ATP2B2: variants seen among roughly 807,000 people sequenced by gnomAD.
The protein encoded by ATP2B2 is plasma membrane calcium-transporting ATPase 2.
In ATP2B2, 15 loss-of-function variants were observed where a neutral mutation model predicts 120.0. The ratio of observed to expected loss-of-function variants is 0.12; its 90% CI spans 0.08 to 0.19. The LOEUF is 0.19. Among genes scored for constraint, ATP2B2 ranks in the 10% least tolerant of loss-of-function variants. The pLI is 1.00. For missense variants in ATP2B2, 1,045 were observed against 1,719.8 expected, an observed-to-expected ratio of 0.61 and a Z score of 6.94; for synonymous variants, 694 against 700.3, an observed-to-expected ratio of 0.99 and a Z score of 0.14.
chr3:10,618,575 G>T (rs924248864), intron 2 of ATP2B2, among the ~76,000 whole-genome samples: 3 of 152,132 alleles, frequency 2.0e-5, no homozygotes, highest in Admixed American at 2.0e-4. Flanking sequence ...ATCGGAGGAG[G>T]AAGCATGCTT....
chr3:10,336,235 C>T (rs951509551), intron 22 of ATP2B2: 5 of 1,550,464 alleles, frequency 3.2e-6, no homozygotes, highest in African/African-American at 2.7e-5. Flanking sequence ...GGCTGGTGAC[C>T]GAGGACTGTC....
intron 1 of ATP2B2, among the ~76,000 whole-genome samples, chr3:10,688,232 G>A (rs2071571714): frequency 6.6e-6 from 1 of 152,120 alleles, no homozygotes; most frequent in South Asian, 2.1e-4. Context: ...AAACATACCA[G>A]GTTTGCGTTT....
At chr3:10,706,856 A>C (rs537163858) in intron 1 of ATP2B2, among the ~76,000 whole-genome samples, 1 of 152,276 alleles carries the variant, frequency 6.6e-6, no homozygotes, top group African/African-American at 2.4e-5. Context: ...AGATGTAGGA[A>C]CCAAACAGCA....
At chr3:10,476,747 G>C (rs1044864917) in intron 1 of ATP2B2, among the ~76,000 whole-genome samples, 6 of 152,212 alleles carry the variant, frequency 3.9e-5, no homozygotes, top group African/African-American at 1.4e-4. Flanking sequence ...CTCTAGTTTA[G>C]AGGAAATTAA....
chr3:10,361,689 C>T (rs2060904910), intron 12 of ATP2B2, among the ~76,000 whole-genome samples: 1 of 152,258 alleles, frequency 6.6e-6, no homozygotes, highest in East Asian at 1.9e-4. Flanking sequence ...GTCCCTCTCC[C>T]TTCCCTGCCA....
intron 2 of ATP2B2, among the ~76,000 whole-genome samples, chr3:10,593,427 T>A (rs892872776): frequency 3.8e-4 from 58 of 152,312 alleles, no homozygotes; most frequent in African/African-American, 1.3e-3. Context: ...GAACAGGCTG[T>A]CTCTGAGAGT....
chr3:10,531,401 G>A (rs555696956), intron 3 of ATP2B2, among the ~76,000 whole-genome samples: 33 of 152,296 alleles, frequency 2.2e-4, no homozygotes, highest in Non-Finnish European at 4.3e-4. Context: ...CATACTACCT[G>A]GGTTCAAATC....
At chr3:10,381,038 G>A (rs758566656) in intron 8 of ATP2B2, among the ~76,000 whole-genome samples, 4 of 152,234 alleles carry the variant, frequency 2.6e-5, no homozygotes, top group Admixed American at 6.5e-5. Context: ...GAGCATCCTC[G>A]GAATAGCCCC....
intron 2 of ATP2B2, among the ~76,000 whole-genome samples, chr3:10,581,958 A>G (rs1020599708): frequency 2.0e-4 from 30 of 152,216 alleles, no homozygotes; most frequent in African/African-American, 6.3e-4. Context: ...TCAGCTCCCA[A>G]CTTTTTCGCC....
intron 3 of ATP2B2, among the ~76,000 whole-genome samples, chr3:10,519,128 A>G (rs556045233): frequency 4.3e-4 from 65 of 152,348 alleles, no homozygotes; most frequent in African/African-American, 1.5e-3. Context: ...TGAGGAACAG[A>G]AAAGTTAGGC....
chr3:10,432,999 G>A (rs2063368769), intron 2 of ATP2B2, among the ~76,000 whole-genome samples: 1 of 152,162 alleles, frequency 6.6e-6, no homozygotes, highest in Non-Finnish European at 1.5e-5. Flanking sequence ...ACATGCATCT[G>A]CTCCTGTTTT....
At chr3:10,516,963 T>C (rs994167831) in intron 3 of ATP2B2, among the ~76,000 whole-genome samples, 1 of 105,358 alleles carries the variant, frequency 9.5e-6, no homozygotes, top group Non-Finnish European at 2.0e-5. Flanking sequence ...AATTTTCAGA[T>C]GTGTGTGTGT....
intron 1 of ATP2B2, among the ~76,000 whole-genome samples, chr3:10,671,017 G>A (rs1307251133): frequency 6.6e-6 from 1 of 152,162 alleles, no homozygotes; most frequent in South Asian, 2.1e-4. Flanking sequence ...AGATGACTTC[G>A]AAGGTCCTTT....
intron 1 of ATP2B2, among the ~76,000 whole-genome samples, chr3:10,656,043 C>T (rs115905557): frequency 3.5e-4 from 53 of 152,306 alleles, no homozygotes; most frequent in African/African-American, 1.2e-3. Flanking sequence ...AAGTCTTCAG[C>T]GTCCACAGGG....
intron 2 of ATP2B2, among the ~76,000 whole-genome samples, chr3:10,604,592 G>A (rs1450055320): frequency 6.6e-6 from 1 of 152,178 alleles, no homozygotes; most frequent in African/African-American, 2.4e-5. Context: ...ACTGCAAACT[G>A]GCAGCCCCCT....
chr3:10,466,921 CG>C (rs1173495999), intron 1 of ATP2B2, among the ~76,000 whole-genome samples: 1 of 152,224 alleles, frequency 6.6e-6, no homozygotes, highest in East Asian at 1.9e-4. Flanking sequence ...GCAGAGCATG[CG>C]GCCCCACAGC....
chr3:10,577,922 A>G (rs748281682), intron 2 of ATP2B2, among the ~76,000 whole-genome samples: 1 of 152,072 alleles, frequency 6.6e-6, no homozygotes, highest in Non-Finnish European at 1.5e-5. Context: ...AAACACTAAT[A>G]ACTATTGCTT....
intron 1 of ATP2B2, among the ~76,000 whole-genome samples, chr3:10,623,612 G>T (rs2069611446): frequency 6.6e-6 from 1 of 152,180 alleles, no homozygotes; most frequent in Non-Finnish European, 1.5e-5. Context: ...TAATCTCCTT[G>T]GGCGGAAGGC....
At position 10,343,824 on chromosome 3, in the gene ATP2B2, G is replaced by A. The variant is rs1286601137; in HGVS notation, c.2704-859C>T. Reference sequence around the variant, plus strand: ...TAATCCTGACCCCACTCTCCTGGTCGTCGTCCTCCCTTCCTTTTAAATCTG... The same window carrying A: ...TAATCCTGACCCCACTCTCCTGGTCATCGTCCTCCCTTCCTTTTAAATCTG... On this transcript the variant is annotated intron_variant, in intron 18 of 22. Transcript: ENST00000360273. This position sits in a 1 kb window ranked among gnomAD's most constrained non-coding sequence, Gnocchi z 4.2. Among the ~76,000 whole-genome samples the A allele has an allele frequency of 6.6e-6, 1 of 152,004 alleles. No individual in the cohort carries two copies. Among genetic ancestry groups the A allele is most frequent in the Admixed American group, 6.6e-5 (1 of 15,262 alleles).
Sources: gnomAD v4.1 joint callset for allele counts (sites outside exome capture counted in the v4.1 genomes callset) on GRCh38, gnomAD v4.1.1 for gene constraint, Gnocchi (gnomAD v3.1) non-coding constraint, MANE v1.5 for transcripts, NCBI Gene and HGNC (gene_info 2026-07-23, HGNC 2026-07-21) for gene names.